C4orf36: variants seen among roughly 807,000 people sequenced by gnomAD.
The protein encoded by C4orf36 is chromosome 4 open reading frame 36.
A neutral mutation model predicts 12.2 loss-of-function variants in C4orf36; 11 were observed. The observed-to-expected ratio is 0.90, with a 90% CI of 0.57 to 1.49. The LOEUF (loss-of-function observed/expected upper bound fraction) is 1.49. C4orf36 is among the 40% of genes most tolerant of loss of function. The pLI is 0.00. For synonymous variants in C4orf36, 54 were observed against 51.3 expected, an observed-to-expected ratio of 1.05 and a Z score of -0.22; for missense variants, 137 against 133.9, an observed-to-expected ratio of 1.02 and a Z score of -0.11.
At chr4:86,915,651 G>A in the C4orf36 span, among the ~76,000 whole-genome samples, 15 of 152,200 alleles carry the variant, frequency 9.9e-5, no homozygotes, top group Non-Finnish European at 1.8e-4. Flanking sequence ...GCTGGACATG[G>A]TGGTGCATGC....
chr4:86,931,485 A>G, the C4orf36 span, among the ~76,000 whole-genome samples: 1 of 151,766 alleles, frequency 6.6e-6, no homozygotes, highest in East Asian at 1.9e-4. Flanking sequence ...CGCATCCTCG[A>G]CCTCCAGGGC....
At chr4:86,900,550 T>C in the C4orf36 span, among the ~76,000 whole-genome samples, 1 of 152,254 alleles carries the variant, frequency 6.6e-6, no homozygotes, top group East Asian at 1.9e-4. Flanking sequence ...GACACAGAAA[T>C]GCAAGAGCAA....
At chr4:86,919,119 G>GGAGAGAGAGAGAGAGAGAGAGAGAGAGA in the C4orf36 span, among the ~76,000 whole-genome samples, 1 of 145,258 alleles carries the variant, frequency 6.9e-6, no homozygotes, top group African/African-American at 2.6e-5. Flanking sequence ...CCCAGCTCCA[G>GGAGAGAGAGAGAGAGAGAGAGAGAGAGA]GAGAGAGAGA....
At chr4:86,910,604 G>A in the C4orf36 span, among the ~76,000 whole-genome samples, 9 of 152,228 alleles carry the variant, frequency 5.9e-5, no homozygotes, top group African/African-American at 2.2e-4. Flanking sequence ...GGAGGTCATC[G>A]AATGCCATCT....
chr4:86,936,004 T>A, the C4orf36 span: 2 of 152,072 alleles, frequency 1.3e-5, no homozygotes, highest in Non-Finnish European at 2.9e-5. Context: ...GTAATGGTAG[T>A]TGCATTAATG....
At chr4:86,885,759 G>A (rs1274624648) in intron 4 of C4orf36, among the ~76,000 whole-genome samples, 1 of 152,174 alleles carries the variant, frequency 6.6e-6, no homozygotes, top group Non-Finnish European at 1.5e-5. Flanking sequence ...GGGAGAGAGG[G>A]CATCCCTGTC....
the C4orf36 span, among the ~76,000 whole-genome samples, chr4:86,909,362 CTTCT>C: frequency 6.6e-6 from 1 of 152,144 alleles, no homozygotes; most frequent in Non-Finnish European, 1.5e-5. Flanking sequence ...TTCTCAAAAG[CTTCT>C]TTGAGTGGTC....
chr4:86,924,941 ACT>A, the C4orf36 span: 1 of 152,138 alleles, frequency 6.6e-6, no homozygotes, highest in Non-Finnish European at 1.5e-5. Context: ...GCCTCAGGAA[ACT>A]CTGAATTATG....
At chr4:86,927,035 A>G in the C4orf36 span, among the ~76,000 whole-genome samples, 1 of 152,358 alleles carries the variant, frequency 6.6e-6, no homozygotes, top group African/African-American at 2.4e-5. Flanking sequence ...GTTGTGACAG[A>G]GACCATGTGG....
the C4orf36 span, among the ~76,000 whole-genome samples, chr4:86,930,088 G>C: frequency 6.6e-6 from 1 of 152,114 alleles, no homozygotes; most frequent in East Asian, 1.9e-4. Context: ...TAGTCTTTAG[G>C]GTGCTCTTAC....
chr4:86,910,801 C>T, the C4orf36 span, among the ~76,000 whole-genome samples: 1 of 152,150 alleles, frequency 6.6e-6, no homozygotes, highest in Non-Finnish European at 1.5e-5. Flanking sequence ...CACAGTGGCT[C>T]ATGTCTGTAA....
chr4:86,897,396 T>C (rs1425118578), upstream of C4orf36, among the ~76,000 whole-genome samples: 2 of 152,010 alleles, frequency 1.3e-5, no homozygotes, highest in Non-Finnish European at 2.9e-5. Context: ...TAAAGGGCTA[T>C]AAAAGTGACT....
intron 2 of C4orf36, 107 bp downstream of exon 2, chr4:86,891,349 C>G: frequency 1.0e-6 from 1 of 984,788 alleles, no homozygotes. Flanking sequence ...TTCACATAGC[C>G]CAGTATCTCA....
At chr4:86,896,956 T>C (rs186698346), upstream of C4orf36, among the ~76,000 whole-genome samples, 251 of 152,284 alleles carry the variant, frequency 1.6e-3, no homozygotes, top group Non-Finnish European at 2.8e-3. Flanking sequence ...GGCCACCTAC[T>C]CCATGCTAGC....
At position 86,888,254 on chromosome 4, in the gene C4orf36, T is replaced by C; in HGVS notation, c.87A>G (p.Ala29=). Residue 29 remains alanine, a synonymous_variant, in exon 3 of 5, where the codon GCA becomes GCG. Coordinates refer to ENST00000295898, the MANE Select transcript of C4orf36 (RefSeq NM_144645.4). Reference sequence around the variant, plus strand: ...TTGTGGACCAGGTCTTTGCAAGCAATGCAATATCCCAAGGTTCCTGTCTGG... The same window carrying C: ...TTGTGGACCAGGTCTTTGCAAGCAACGCAATATCCCAAGGTTCCTGTCTGG... ...CYNVQEPWDI[A]LLAKTWSTNL... 6.2e-7 allele frequency: 1 copy of C among 1,613,892 alleles called. No homozygotes were observed. Among genetic ancestry groups the C allele is most frequent in the East Asian group, 2.2e-5 (1 of 44,870 alleles).
the C4orf36 span, chr4:86,914,663 A>G: frequency 3.0e-6 from 1 of 336,302 alleles, no homozygotes. Flanking sequence ...GGCCTCTCAA[A>G]GTGCTGGAAT....
rs1216309271 is a variant in C4orf36, at chr4:86,887,770, G to A, written c.344C>T (p.Pro115Leu). 6.2e-7 allele frequency: 1 copy of A among 1,614,202 alleles called. No individual in the cohort carries two copies. Among genetic ancestry groups the A allele is most frequent in the Non-Finnish European group, 8.5e-7 (1 of 1,180,034 alleles). ...ATCATGAACTGACTGTCATTTAGAT[G>A]GAAGAGGTCTTCTCAAACCGGCTGG... ...ERPAGLRRPLPSK is the reference protein window; with the variant it reads ...ERPAGLRRPLLSK The change falls in exon 4 of 5, where the codon CCA becomes CTA. Residue 115 changes from proline to leucine, a missense_variant. Pro to Leu is a moderately conservative substitution (Grantham distance 98). Coordinates refer to ENST00000295898, the MANE Select transcript of C4orf36 (RefSeq NM_144645.4).
chr4:86,876,578 G>A (rs1746933957), intron 4 of C4orf36, 135 bp from the exon 5 acceptor site: 10 of 1,613,960 alleles, frequency 6.2e-6, no homozygotes, highest in Non-Finnish European at 7.6e-6. Context: ...ATCAAAACCT[G>A]CAAAATCTTT....
At position 86,891,557 on chromosome 4, in the gene C4orf36, C is replaced by T. The variant is rs764084928; in HGVS notation, c.-37G>A. The T allele has an allele frequency of 2.1e-5, 34 of 1,613,778 alleles. No homozygotes were observed. The highest frequency in any genetic ancestry group is 8.3e-5 in the Admixed American group (5 of 59,984). Reference sequence around the variant, plus strand: ...ACGGTATGATTTCGTTACATAGGTGCCTGATGGAATGTCACAGATAACTCT... The same window carrying T: ...ACGGTATGATTTCGTTACATAGGTGTCTGATGGAATGTCACAGATAACTCT... On this transcript the variant is annotated 5_prime_UTR_variant, in exon 2 of 5. Coordinates refer to ENST00000295898, the MANE Select transcript of C4orf36 (RefSeq NM_144645.4).
Sources: gnomAD v4.1 joint callset for allele counts (sites outside exome capture counted in the v4.1 genomes callset) on GRCh38, gnomAD v4.1.1 for gene constraint, MANE v1.5 for transcripts, NCBI Gene and HGNC (gene_info 2026-07-23, HGNC 2026-07-21) for gene names.